DGKI: variants seen among roughly 807,000 people sequenced by gnomAD.
DGKI encodes the protein diacylglycerol kinase iota, also known as DAG kinase iota.
In DGKI, 55 loss-of-function variants were observed where a neutral mutation model predicts 147.5. That is an observed-to-expected ratio of 0.37 (90% CI 0.30 to 0.47). The LOEUF (loss-of-function observed/expected upper bound fraction) is 0.47. Among genes scored for constraint, DGKI ranks in the 20% least tolerant of loss-of-function variants. The pLI is 1.00. For synonymous variants in DGKI, 469 were observed against 477.1 expected (o/e 0.98, Z 0.22); for missense variants, 1,007 against 1,323.8 (o/e 0.76, Z 3.71).
intron 4 of DGKI, among the ~76,000 whole-genome samples, chr7:137,655,592 T>G (rs1316766695): frequency 6.6e-6 from 1 of 152,124 alleles, no homozygotes; most frequent in African/African-American, 2.4e-5. Context: ...AGCTACTCGA[T>G]AAAGTGAAAG....
chr7:137,798,013 G>C (rs1797085633), intron 1 of DGKI, among the ~76,000 whole-genome samples: 1 of 152,026 alleles, frequency 6.6e-6, no homozygotes, highest in African/African-American at 2.4e-5. Flanking sequence ...TTACTAAATG[G>C]GGGAACATCA....
chr7:137,458,349 C>T (rs1182489117), intron 27 of DGKI, among the ~76,000 whole-genome samples: 2 of 152,116 alleles, frequency 1.3e-5, no homozygotes, highest in Non-Finnish European at 2.9e-5. Flanking sequence ...GAATATCTAC[C>T]CTCGGTGTGG....
intron 29 of DGKI, among the ~76,000 whole-genome samples, chr7:137,410,415 A>G (rs909952302): frequency 6.6e-5 from 10 of 152,130 alleles, no homozygotes. Flanking sequence ...CAAAAACAAA[A>G]ACAAAATAAG....
intron 28 of DGKI, among the ~76,000 whole-genome samples, chr7:137,426,336 G>C (rs1257400725): frequency 6.6e-6 from 1 of 152,086 alleles, no homozygotes; most frequent in African/African-American, 2.4e-5. Flanking sequence ...ATACTTTACA[G>C]ACAAGCAAAT....
At chr7:137,623,054 CA>C in intron 7 of DGKI, among the ~76,000 whole-genome samples, 1 of 152,238 alleles carries the variant, frequency 6.6e-6, no homozygotes, top group South Asian at 2.1e-4. Context: ...CCAGAAGAGC[CA>C]GGATTCCTGT....
At chr7:137,408,718 A>C (rs1585085371) in intron 29 of DGKI, among the ~76,000 whole-genome samples, 1 of 152,222 alleles carries the variant, frequency 6.6e-6, no homozygotes, top group South Asian at 2.1e-4. Context: ...ACTGGAAAAA[A>C]AAAACAAAAC....
chr7:137,752,538 C>T lies in DGKI; in HGVS notation c.402-62536G>A, dbSNP rs372508416. ...ACAGGCAGATAGCCCAGCGCCGCACCTTGGGCCTGGTTACAGATTGACCCC... is the reference window on the plus strand; with the variant it reads ...ACAGGCAGATAGCCCAGCGCCGCACTTTGGGCCTGGTTACAGATTGACCCC... On this transcript the variant is annotated intron_variant, in intron 1 of 32. Transcript: ENST00000614521. 7.9e-4 allele frequency among the ~76,000 whole-genome samples: 121 copies of T among 152,296 alleles called. 3 individuals are homozygous for T. In the South Asian group the frequency reaches 0.016, roughly 20 times the overall value.
chr7:137,665,684 A>G (rs542813448), intron 3 of DGKI, among the ~76,000 whole-genome samples: 1 of 152,314 alleles, frequency 6.6e-6, no homozygotes, highest in East Asian at 1.9e-4. Context: ...GGCAGGCTCA[A>G]TTCCATGACC....
chr7:137,428,246 T>C (rs1256606338), intron 28 of DGKI, among the ~76,000 whole-genome samples: 5 of 151,870 alleles, frequency 3.3e-5, no homozygotes, highest in East Asian at 1.9e-4. Context: ...GCTGGTTCAA[T>C]ATATGCAAAT....
intron 3 of DGKI, among the ~76,000 whole-genome samples, chr7:137,659,623 G>A (rs537804367): frequency 1.3e-5 from 2 of 152,328 alleles, no homozygotes; most frequent in South Asian, 4.1e-4. Context: ...ATTAAACCAA[G>A]AAAAGTCACT....
At chr7:137,741,685 A>G (rs1795176806) in intron 1 of DGKI, among the ~76,000 whole-genome samples, 1 of 152,188 alleles carries the variant, frequency 6.6e-6, no homozygotes, top group African/African-American at 2.4e-5. Context: ...CCAAATATCT[A>G]TTTGAATCAC....
At chr7:137,722,734 C>A (rs992291175) in intron 1 of DGKI, 6 of 1,573,340 alleles carry the variant, frequency 3.8e-6, no homozygotes, top group Non-Finnish European at 4.4e-6. Context: ...CAAGATTGAG[C>A]AGAAAGCTGT....
At position 137,585,356 on chromosome 7, in the gene DGKI, C is replaced by G. The variant is rs75569176; in HGVS notation, c.1426-10G>C. ...GTTCATCAGTGTAGCCCTGAGGAAT[C>G]AGAGAACATATCCATTGCTGTCCAG... On this transcript the variant is annotated splice_polypyrimidine_tract_variant and intron_variant, in intron 13 of 32. Coordinates refer to ENST00000614521, the MANE Select transcript of DGKI (RefSeq NM_001321708.2). 1.6e-4 allele frequency: 260 copies of G among 1,613,404 alleles called. No homozygotes were observed. The African/African-American group carries it at 3.2e-3, about 20-fold the overall frequency.
intron 14 of DGKI, among the ~76,000 whole-genome samples, chr7:137,582,842 C>A (rs541399736): frequency 1.3e-5 from 2 of 152,118 alleles, no homozygotes; most frequent in Non-Finnish European, 2.9e-5. Flanking sequence ...CTGGTTCTCC[C>A]GCTTTTCCTT....
chr7:137,659,826 A>G (rs944499120), intron 3 of DGKI, among the ~76,000 whole-genome samples: 12 of 152,232 alleles, frequency 7.9e-5, no homozygotes, highest in South Asian at 2.1e-4. Context: ...CCAGCTACTC[A>G]GGAGGCTGAG....
At chr7:137,517,756 A>G (rs557632786) in intron 21 of DGKI, among the ~76,000 whole-genome samples, 2 of 152,296 alleles carry the variant, frequency 1.3e-5, no homozygotes, top group East Asian at 3.9e-4. Context: ...AAGAGAATGT[A>G]TTAGGACTTA....
rs183633403 is a variant in DGKI, at chr7:137,743,678, G to C, written c.402-53676C>G. Among the ~76,000 whole-genome samples the C allele has an allele frequency of 3.2e-3, 485 of 152,194 alleles. 3 individuals are homozygous for C. Among genetic ancestry groups the C allele is most frequent in the African/African-American group, 0.011 (467 of 41,532 alleles). On this transcript the variant is annotated intron_variant, in intron 1 of 32. Transcript: ENST00000614521. The stretch of plus-strand genomic sequence containing the variant: ...CTAAACTTCACACATAAAGGAACTA[G>C]AAAAACAAGAACAAACTAATCTTGG...
intron 21 of DGKI, among the ~76,000 whole-genome samples, chr7:137,498,751 A>G (rs1356441006): frequency 1.4e-4 from 22 of 152,144 alleles, no homozygotes; most frequent in Non-Finnish European, 2.9e-5. Flanking sequence ...ATAAAGTTGA[A>G]TTTGCAATAC....
intron 1 of DGKI, among the ~76,000 whole-genome samples, chr7:137,740,994 A>T (rs558529423): frequency 6.6e-6 from 1 of 152,180 alleles, no homozygotes; most frequent in African/African-American, 2.4e-5. Flanking sequence ...CACTGATAAA[A>T]AGGGTGGCTA....
Sources: allele counts gnomAD v4.1 joint callset (sites outside exome capture counted in the v4.1 genomes callset), GRCh38; gene constraint gnomAD v4.1.1; transcripts MANE v1.5; gene names NCBI Gene and HGNC (gene_info 2026-07-23, HGNC 2026-07-21).